Variants in FAM217B observed in about 807,000 individuals in gnomAD.
The protein encoded by FAM217B is protein FAM217B.
For missense variants in FAM217B, 463 were observed against 456.9 expected, an observed-to-expected ratio of 1.01 and a Z score of -0.12; for synonymous variants, 163 against 173.0, an observed-to-expected ratio of 0.94 and a Z score of 0.45.
Position 59,946,175 on chromosome 20 carries a change from G to C in FAM217B, c.*1080G>C, listed in dbSNP as rs1324942742. The C allele has an allele frequency of 1.2e-5, 2 of 167,040 alleles. No individual in the cohort carries two copies. The highest frequency in any genetic ancestry group is 4.8e-5 in the African/African-American group (2 of 41,428). 10.3% of individuals were successfully genotyped at this position (167,040 alleles called of 1,614,324 possible). On this transcript the variant is annotated 3_prime_UTR_variant, in exon 4 of 4. Coordinates refer to ENST00000360816, the MANE Select transcript of FAM217B (RefSeq NM_022106.3). ...AGGTTGCTGAATGAATTCTAAACTC[G>C]CTTATCTGGTCTTCAGGCTTCCCAA...
At chr20:59,939,493 C>A, upstream of FAM217B, 1 of 1,612,244 alleles carries the variant, frequency 6.2e-7, no homozygotes, top group Non-Finnish European at 8.5e-7. Context: ...AACTCCAGGT[C>A]CTGGCTGCTG....
upstream of FAM217B, chr20:59,939,018 G>A (rs1179244262): frequency 3.3e-6 from 5 of 1,493,906 alleles, no homozygotes; most frequent in Non-Finnish European, 8.9e-7. Context: ...CCAGGTGGCC[G>A]GTCCCCGCGC....
chr20:59,934,620 C>T lies in FAM217B; in HGVS notation c.-326+767C>T, dbSNP rs6071034. On this transcript the variant is annotated intron_variant, in intron 1 of 4. Coordinates refer to the FAM217B transcript ENST00000358293. The stretch of plus-strand genomic sequence containing the variant: ...TACAAATAATACTGCAGCAAACCAC[C>T]TTTGGATTAATATTTGTGTCGGATC... Among the ~76,000 whole-genome samples the T allele has an allele frequency of 2.8e-4, 43 of 152,270 alleles. No individual in the cohort carries two copies. In the South Asian group the frequency reaches 4.8e-3, roughly 17 times the overall value.
exon 1 of FAM217B, chr20:59,933,833 C>CCCTT (rs2145937366): frequency 7.0e-6 from 1 of 142,468 alleles, no homozygotes; most frequent in South Asian, 2.5e-4. Flanking sequence ...GCTGTGGGCG[C>CCCTT]GGCTCAGGCC....
chr20:59,935,010 A>T (rs1023824108), intron 1 of FAM217B, among the ~76,000 whole-genome samples: 1 of 152,216 alleles, frequency 6.6e-6, no homozygotes, highest in Non-Finnish European at 1.5e-5. Context: ...TACATATGCA[A>T]TCTAAGGTAC....
At chr20:59,939,889 C>T (rs775847909), upstream of FAM217B, 20 of 1,253,210 alleles carry the variant, frequency 1.6e-5, 1 homozygote, top group South Asian at 5.0e-4. Flanking sequence ...TTCCGGGATC[C>T]CAGGGCGCTA....
chr20:59,935,180 C>T (rs528534567), intron 1 of FAM217B, among the ~76,000 whole-genome samples: 76 of 152,268 alleles, frequency 5.0e-4, no homozygotes, highest in Non-Finnish European at 9.7e-4. Context: ...TATTTTCATA[C>T]CTAGTTTTCC....
upstream of FAM217B, chr20:59,939,553 C>T (rs1357947618): frequency 6.2e-7 from 1 of 1,611,514 alleles, no homozygotes; most frequent in African/African-American, 1.3e-5. Context: ...TGCAGCGGCA[C>T]GGACGGGTCG....
chr20:59,942,914 G>A (rs768006825), intron 3 of FAM217B, among the ~76,000 whole-genome samples: 1 of 152,126 alleles, frequency 6.6e-6, no homozygotes, highest in Admixed American at 6.5e-5. Context: ...TTGAGCACAC[G>A]TTGTACTATT....
chr20:59,939,415 G>A (rs1343870971), upstream of FAM217B: 14 of 1,610,776 alleles, frequency 8.7e-6, no homozygotes, highest in East Asian at 2.9e-4. Flanking sequence ...AGCTGCCGCT[G>A]CAGGCGCTCG....
At chr20:59,934,353 C>T (rs902478968) in intron 1 of FAM217B, among the ~76,000 whole-genome samples, 3 of 152,220 alleles carry the variant, frequency 2.0e-5, no homozygotes, top group Admixed American at 2.0e-4. Context: ...TAAAAAATCG[C>T]AGGCCCTTCT....
At chr20:59,936,801 C>T (rs1601037568), upstream of FAM217B, 1 of 152,206 alleles carries the variant, frequency 6.6e-6, no homozygotes, top group South Asian at 2.1e-4. Flanking sequence ...ACAAGAAAAA[C>T]ATACTGAAGC....
intron 3 of FAM217B, among the ~76,000 whole-genome samples, chr20:59,943,733 A>G (rs1421337731): frequency 1.3e-5 from 2 of 152,208 alleles, no homozygotes; most frequent in African/African-American, 2.4e-5. Context: ...CATGCATTAT[A>G]TAATGTATCT....
upstream of FAM217B, chr20:59,938,041 C>T (rs2145945073): frequency 6.6e-6 from 1 of 152,288 alleles, no homozygotes; most frequent in East Asian, 1.9e-4. Flanking sequence ...TAACTGGACT[C>T]CCAAAAGATG....
intron 3 of FAM217B, 77 bp downstream of exon 3, chr20:59,942,589 G>A (rs1188298975): frequency 1.3e-5 from 2 of 152,146 alleles, no homozygotes; most frequent in Non-Finnish European, 1.5e-5. Flanking sequence ...TATGTGGAGT[G>A]GGGAAAAAAG....
chr20:59,941,706 C>G (rs1337938921), intron 1 of FAM217B, among the ~76,000 whole-genome samples: 4 of 152,208 alleles, frequency 2.6e-5, no homozygotes, highest in African/African-American at 4.8e-5. Context: ...TGAATGGGAA[C>G]GTTCCTCCTA....
rs2060924210 is a variant in FAM217B at position 59,944,449 on chromosome 20, A to G, written c.506A>G (p.Glu169Gly). The change falls in exon 4 of 4, where the codon GAA (glutamate) becomes GGA (glycine). Residue 169 changes from glutamate to glycine, a missense_variant. Transcript: ENST00000360816. ...ALLLNAENKT[E>G]AVPRVGGLLG... ...CTTCTGAACGCAGAGAACAAAACGGAAGCCGTGCCCCGAGTGGGAGGACTT... is the reference window on the plus strand; with the variant it reads ...CTTCTGAACGCAGAGAACAAAACGGGAGCCGTGCCCCGAGTGGGAGGACTT... The G allele has an allele frequency of 1.2e-6, 2 of 1,613,758 alleles. No homozygotes were observed. The highest frequency in any genetic ancestry group is 2.2e-5 in the South Asian group (2 of 91,054).
chr20:59,934,290 G>T (rs530308398), intron 1 of FAM217B, among the ~76,000 whole-genome samples: 2 of 152,350 alleles, frequency 1.3e-5, no homozygotes, highest in Admixed American at 1.3e-4. Context: ...GGCTCTTTCA[G>T]ACGCTTCCAT....
chr20:59,936,142 C>T (rs1302202471), upstream of FAM217B, among the ~76,000 whole-genome samples: 1 of 152,118 alleles, frequency 6.6e-6, no homozygotes, highest in Non-Finnish European at 1.5e-5. Context: ...GCAGTGAATA[C>T]GGTAGACAAC....
Sources: allele counts gnomAD v4.1 joint callset (sites outside exome capture counted in the v4.1 genomes callset), GRCh38; gene constraint gnomAD v4.1.1; transcripts MANE v1.5; gene names NCBI Gene and HGNC (gene_info 2026-07-23, HGNC 2026-07-21).